Variants in GALNT14 observed in about 807,000 individuals in gnomAD.
GALNT14 encodes the protein UDP-GalNAc:polypeptide N-acetylgalactosaminyltransferase 14.
In GALNT14, 60 loss-of-function variants were observed where a neutral mutation model predicts 77.5. The observed-to-expected ratio is 0.77, with a 90% CI of 0.63 to 0.96. The LOEUF (loss-of-function observed/expected upper bound fraction) is 0.96. GALNT14 is among the 40% of genes least tolerant of loss of function. The pLI, the probability that GALNT14 is intolerant of heterozygous loss-of-function variation, is 0.00. For missense variants in GALNT14, 710 were observed against 731.0 expected (o/e 0.97, Z 0.33); for synonymous variants, 280 against 281.7 (o/e 0.99, Z 0.06).
chr2:31,111,773 T>C (rs1677847822), intron 1 of GALNT14, among the ~76,000 whole-genome samples: 1 of 151,964 alleles, frequency 6.6e-6, no homozygotes, highest in South Asian at 2.1e-4. Context: ...CACACAAAGG[T>C]CCTTATCCGA....
intron 1 of GALNT14, among the ~76,000 whole-genome samples, chr2:31,106,208 T>C (rs767744746): frequency 3.9e-5 from 6 of 152,208 alleles, no homozygotes; most frequent in Non-Finnish European, 5.9e-5. Context: ...TCTTTCAACA[T>C]TTAGATTTAA....
the GALNT14 span, among the ~76,000 whole-genome samples, chr2:30,888,262 C>CA: frequency 2.0e-5 from 3 of 151,974 alleles, no homozygotes; most frequent in African/African-American, 7.2e-5. Flanking sequence ...CATCTTGTGA[C>CA]AAAAAAAGAT....
intron 1 of GALNT14, among the ~76,000 whole-genome samples, chr2:31,137,261 TA>T (rs1679266267): frequency 6.6e-6 from 1 of 152,206 alleles, no homozygotes; most frequent in South Asian, 2.1e-4. Context: ...AGTGAGCCTA[TA>T]GGGGGAACCT....
intron 3 of GALNT14, among the ~76,000 whole-genome samples, chr2:30,959,244 T>C (rs1667546181): frequency 6.6e-6 from 1 of 152,224 alleles, no homozygotes. Context: ...AGTTTGTATC[T>C]GATCCTATGA....
intron 1 of GALNT14, among the ~76,000 whole-genome samples, chr2:31,100,823 C>T (rs188057026): frequency 6.6e-6 from 1 of 152,082 alleles, no homozygotes; most frequent in East Asian, 1.9e-4. Flanking sequence ...ACCTCACCTA[C>T]TGAACATCAT....
chr2:31,037,778 A>G (rs1672830801), intron 1 of GALNT14, among the ~76,000 whole-genome samples: 1 of 151,946 alleles, frequency 6.6e-6, no homozygotes, highest in African/African-American at 2.4e-5. Context: ...TTGAATCAAT[A>G]CGTCTCCCAG....
At chr2:30,945,737 A>C in intron 7 of GALNT14, 46 bp downstream of exon 7, 1 of 1,474,186 alleles carries the variant, frequency 6.8e-7, no homozygotes, top group Non-Finnish European at 9.5e-7. Flanking sequence ...AGTGACTGAG[A>C]GGAAAAGAAA....
chr2:31,121,489 A>T (rs1243834911), intron 1 of GALNT14, among the ~76,000 whole-genome samples: 1 of 152,250 alleles, frequency 6.6e-6, no homozygotes, highest in Non-Finnish European at 1.5e-5. Flanking sequence ...CAGTGAGTGG[A>T]GTATAATATT....
At chr2:30,940,688 A>G (rs1487530255) in intron 9 of GALNT14, among the ~76,000 whole-genome samples, 2 of 152,196 alleles carry the variant, frequency 1.3e-5, no homozygotes, top group Non-Finnish European at 2.9e-5. Context: ...GCTCCACCCC[A>G]TAAGAGAGAA....
rs759846017 is a variant in GALNT14, at chr2:30,955,986, A to G, written c.467-9T>C. The G allele has an allele frequency of 1.2e-6, 2 of 1,614,066 alleles. No individual in the cohort carries two copies. The highest frequency in any genetic ancestry group is 2.7e-5 in the African/African-American group (2 of 74,938). The stretch of plus-strand genomic sequence containing the variant: ...CTGTTTACAGTCATCAGCTGCAAAG[A>G]CAAAAGGTTAAGCCAATTGAGCGCC... On this transcript the variant is annotated splice_polypyrimidine_tract_variant and intron_variant, in intron 4 of 14. Coordinates refer to ENST00000349752, the MANE Select transcript of GALNT14 (RefSeq NM_024572.4).
At chr2:31,137,033 G>A (rs1679255882) in intron 1 of GALNT14, among the ~76,000 whole-genome samples, 1 of 152,180 alleles carries the variant, frequency 6.6e-6, no homozygotes, top group African/African-American at 2.4e-5. Flanking sequence ...CTGCCTGGCT[G>A]GCCAGGAAAT....
chr2:31,125,597 T>G (rs1346119476), intron 1 of GALNT14, among the ~76,000 whole-genome samples: 1 of 152,222 alleles, frequency 6.6e-6, no homozygotes, highest in East Asian at 1.9e-4. Context: ...AGAAAAGAAA[T>G]GCACATTATA....
intron 1 of GALNT14, among the ~76,000 whole-genome samples, chr2:31,008,074 C>T (rs1670789252): frequency 6.6e-6 from 1 of 152,016 alleles, no homozygotes; most frequent in Non-Finnish European, 1.5e-5. Context: ...GAACCCCAAC[C>T]CTCAGATCTA....
In GALNT14 at chr2:31,122,840, T is replaced by C. The variant is rs142346697; in HGVS notation, c.129+15118A>G. On this transcript the variant is annotated intron_variant, in intron 1 of 14. Coordinates refer to ENST00000349752, the MANE Select transcript of GALNT14 (RefSeq NM_024572.4). ...TCACAACTATTCAACTTGGCCATTG[T>C]AGCCTAAAAGCAACCATAGACAATT... 5.0e-3 allele frequency among the ~76,000 whole-genome samples: 768 copies of C among 152,326 alleles called. 7 individuals are homozygous for C. Among genetic ancestry groups the C allele is most frequent in the African/African-American group, 0.018 (735 of 41,574 alleles).
the GALNT14 span, among the ~76,000 whole-genome samples, chr2:30,900,973 G>C: frequency 6.6e-6 from 1 of 152,108 alleles, no homozygotes; most frequent in Non-Finnish European, 1.5e-5. Flanking sequence ...CTAAAATTTT[G>C]GGTAGAAAAA....
the GALNT14 span, among the ~76,000 whole-genome samples, chr2:30,898,146 G>A: frequency 6.6e-6 from 1 of 152,196 alleles, no homozygotes; most frequent in Non-Finnish European, 1.5e-5. Context: ...CCCAGAGAGT[G>A]AGCTCTCTCG....
intron 1 of GALNT14, among the ~76,000 whole-genome samples, chr2:31,119,450 C>T (rs1431728099): frequency 6.6e-6 from 1 of 152,142 alleles, no homozygotes; most frequent in Non-Finnish European, 1.5e-5. Flanking sequence ...ATGCAATAAA[C>T]ATATGAGAAC....
intron 1 of GALNT14, among the ~76,000 whole-genome samples, chr2:31,078,376 G>A (rs1004873017): frequency 5.3e-5 from 8 of 151,756 alleles, no homozygotes; most frequent in Non-Finnish European, 1.0e-4. Flanking sequence ...TCAGGCCCCC[G>A]ACCCCCTCTT....
chr2:30,933,722 GGAA>G (rs982720856), intron 9 of GALNT14, among the ~76,000 whole-genome samples: 5 of 152,228 alleles, frequency 3.3e-5, no homozygotes, highest in African/African-American at 1.2e-4. Flanking sequence ...AAAGGAAACA[GGAA>G]GAATTTAGCT....
Sources: gnomAD v4.1 joint callset for allele counts (sites outside exome capture counted in the v4.1 genomes callset) on GRCh38, gnomAD v4.1.1 for gene constraint, MANE v1.5 for transcripts, NCBI Gene and HGNC (gene_info 2026-07-23, HGNC 2026-07-21) for gene names.